The following LRP1B variants were observed in gnomAD, a reference collection of about 807,000 sequenced individuals.
The protein encoded by LRP1B is low-density lipoprotein receptor-related protein 1B.
In LRP1B, 217 loss-of-function variants were observed where a neutral mutation model predicts 556.6. The observed-to-expected ratio is 0.39, with a 90% CI of 0.35 to 0.44. The LOEUF (loss-of-function observed/expected upper bound fraction) is 0.44, where lower values mean the gene tolerates loss of function less well. Ranked by LOEUF, LRP1B falls within the 20% of genes least tolerant of loss-of-function variation. The pLI, the probability that LRP1B is intolerant of heterozygous loss-of-function variation, is 1.00. For missense variants in LRP1B, 5,053 were observed against 5,620.8 expected, an observed-to-expected ratio of 0.90 and a Z score of 3.23; for synonymous variants, 2,047 against 1,865.8, an observed-to-expected ratio of 1.10 and a Z score of -2.50.
At chr2:141,608,240 A>G (rs1367328976) in intron 2 of LRP1B, among the ~76,000 whole-genome samples, 1 of 152,204 alleles carries the variant, frequency 6.6e-6, no homozygotes, top group Non-Finnish European at 1.5e-5. Flanking sequence ...AAAAAAGAAA[A>G]GAAATAATTT....
At chr2:141,788,689 C>G (rs535616188) in intron 2 of LRP1B, among the ~76,000 whole-genome samples, 3 of 149,884 alleles carry the variant, frequency 2.0e-5, no homozygotes, top group African/African-American at 7.4e-5. Context: ...CCCTTCCCCC[C>G]ACCCCCACCC....
intron 34 of LRP1B, among the ~76,000 whole-genome samples, chr2:140,770,422 T>C (rs1215995748): frequency 6.6e-6 from 1 of 151,966 alleles, no homozygotes; most frequent in Admixed American, 6.6e-5. Context: ...AACAGGAAGA[T>C]TTCTTAGGTA....
intron 2 of LRP1B, among the ~76,000 whole-genome samples, chr2:141,488,776 C>G (rs1226057517): frequency 1.3e-5 from 2 of 151,998 alleles, no homozygotes; most frequent in African/African-American, 4.8e-5. Flanking sequence ...ATATTTATTC[C>G]TGTGAAATCT....
intron 2 of LRP1B, among the ~76,000 whole-genome samples, chr2:141,690,260 G>A (rs1691466685): frequency 6.6e-6 from 1 of 150,722 alleles, no homozygotes; most frequent in South Asian, 2.1e-4. Flanking sequence ...CAAGCATGCT[G>A]CTTCTTGGTA....
chr2:141,206,268 C>T (rs1350532175), intron 6 of LRP1B, among the ~76,000 whole-genome samples: 1 of 151,942 alleles, frequency 6.6e-6, no homozygotes, highest in African/African-American at 2.4e-5. Context: ...CTCATAAGTA[C>T]CTAGGGTAAG....
chr2:141,875,420 G>A lies in LRP1B; in HGVS notation c.83-65019C>T, dbSNP rs116429552. ...GCAAACACTATTTTCTGTTTTTCTT[G>A]TAAAATATTTACTTGAAAATACAAT... On this transcript the variant is annotated intron_variant, in intron 1 of 90. Coordinates refer to ENST00000389484, the MANE Select transcript of LRP1B (RefSeq NM_018557.3). 3.3e-3 allele frequency among the ~76,000 whole-genome samples: 507 copies of A among 151,740 alleles called. 3 individuals are homozygous for A. The highest frequency in any genetic ancestry group is 0.012 in the African/African-American group (490 of 41,432).
intron 2 of LRP1B, among the ~76,000 whole-genome samples, chr2:141,553,790 A>T (rs866360425): frequency 2.6e-4 from 36 of 139,960 alleles, no homozygotes; most frequent in South Asian, 1.1e-3. Context: ...ATAAATATAT[A>T]GAAATATATA....
At chr2:140,925,180 C>A (rs943978188) in intron 20 of LRP1B, among the ~76,000 whole-genome samples, 26 of 152,048 alleles carry the variant, frequency 1.7e-4, no homozygotes, top group African/African-American at 6.3e-4. Context: ...ATTTTGATAT[C>A]TTCAGGGTCC....
At chr2:141,447,283 TA>T (rs2105015147) in intron 3 of LRP1B, among the ~76,000 whole-genome samples, 1 of 151,572 alleles carries the variant, frequency 6.6e-6, no homozygotes, top group South Asian at 2.1e-4. Context: ...TGTTCTTCTC[TA>T]AACTGGTTAT....
At chr2:141,655,402 T>TA (rs972565103) in intron 2 of LRP1B, among the ~76,000 whole-genome samples, 1 of 152,100 alleles carries the variant, frequency 6.6e-6, no homozygotes, top group African/African-American at 2.4e-5. Flanking sequence ...TTAGACTAAA[T>TA]AAAAAACTTC....
intron 2 of LRP1B, among the ~76,000 whole-genome samples, chr2:141,678,411 A>G (rs1690969225): frequency 6.6e-6 from 1 of 152,172 alleles, no homozygotes; most frequent in Non-Finnish European, 1.5e-5. Context: ...GAAACAAAAA[A>G]AATGTATGTT....
At chr2:141,771,651 C>T (rs900935416) in intron 2 of LRP1B, among the ~76,000 whole-genome samples, 8 of 152,066 alleles carry the variant, frequency 5.3e-5, no homozygotes, top group African/African-American at 1.9e-4. Context: ...TGTGTCCCCT[C>T]AACAGTCATA....
At chr2:141,750,005 G>A (rs560121770) in intron 2 of LRP1B, among the ~76,000 whole-genome samples, 4 of 152,198 alleles carry the variant, frequency 2.6e-5, no homozygotes, top group Admixed American at 1.3e-4. Flanking sequence ...CTAAGCATTG[G>A]CAAACTAAAG....
intron 9 of LRP1B, among the ~76,000 whole-genome samples, chr2:141,058,425 C>A (rs1416318912): frequency 1.3e-5 from 2 of 151,718 alleles, no homozygotes; most frequent in Non-Finnish European, 2.9e-5. Context: ...AAAACTGCAG[C>A]CTTCTCATTG....
At chr2:141,582,811 A>C (rs1211090451) in intron 2 of LRP1B, among the ~76,000 whole-genome samples, 1 of 148,580 alleles carries the variant, frequency 6.7e-6, no homozygotes, top group Non-Finnish European at 1.5e-5. Flanking sequence ...TGAAATCTTG[A>C]TAATAACCTA....
At chr2:140,533,967 T>C (rs1690832747) in intron 47 of LRP1B, 54 bp downstream of exon 47, 1 of 1,600,350 alleles carries the variant, frequency 6.2e-7, no homozygotes. Context: ...GTTGGAAAAG[T>C]TCAGGAAACA....
chr2:140,371,089 T>C (rs1376028818), intron 70 of LRP1B, 90 bp downstream of exon 70: 7 of 933,204 alleles, frequency 7.5e-6, no homozygotes, highest in Non-Finnish European at 1.1e-5. Flanking sequence ...ATGCTAAGAA[T>C]CAAGATTCTT....
intron 3 of LRP1B, among the ~76,000 whole-genome samples, chr2:141,458,160 T>C (rs1681704251): frequency 6.6e-6 from 1 of 152,114 alleles, no homozygotes; most frequent in South Asian, 2.1e-4. Context: ...GAAATGACAA[T>C]AGTGGGTCCC....
chr2:141,927,352 A>G (rs1405834313), intron 1 of LRP1B, among the ~76,000 whole-genome samples: 1 of 152,096 alleles, frequency 6.6e-6, no homozygotes, highest in Non-Finnish European at 1.5e-5. Context: ...AAATTTGTCT[A>G]AAGTTTTGAA....
Sources: allele counts gnomAD v4.1 joint callset (sites outside exome capture counted in the v4.1 genomes callset), GRCh38; gene constraint gnomAD v4.1.1; transcripts MANE v1.5; gene names NCBI Gene and HGNC (gene_info 2026-07-23, HGNC 2026-07-21).